The following KCNH6 variants were observed in gnomAD, a reference collection of about 807,000 sequenced individuals.
The protein encoded by KCNH6 is voltage-gated inwardly rectifying potassium channel KCNH6.
In KCNH6, 81 loss-of-function variants were observed where a neutral mutation model predicts 83.4. That is an observed-to-expected ratio of 0.97 (90% CI 0.81 to 1.17). The LOEUF is 1.17. Among genes scored for constraint, KCNH6 ranks in the 50% most tolerant of loss-of-function variants. The probability of loss-of-function intolerance (pLI) is 0.00; values close to 1 mark genes in which losing one functional copy is unlikely to be tolerated. For synonymous variants in KCNH6, 503 were observed against 545.6 expected, an observed-to-expected ratio of 0.92 and a Z score of 1.09; for missense variants, 1,203 against 1,290.5, an observed-to-expected ratio of 0.93 and a Z score of 1.04.
rs1358316665 is a variant in KCNH6, at chr17:63,545,061, G to A, written c.2397-17G>A. On this transcript the variant is annotated splice_polypyrimidine_tract_variant and intron_variant, in intron 11 of 12. Transcript: ENST00000314672. ...TTTTGCCAGCCCTGACCCTGACTGT[G>A]GGGTTCTGTCTGGCAGGCTGGAGTC... 1 of 1,610,334 alleles carries A rather than the reference G, an allele frequency of 6.2e-7. No individual in the cohort carries two copies. The highest frequency in any genetic ancestry group is 1.7e-5 in the Admixed American group (1 of 60,026).
chr17:63,524,109 G>A, intron 1 of KCNH6, 30 bp from the exon 2 acceptor site: 2 of 1,513,440 alleles, frequency 1.3e-6, no homozygotes, highest in Non-Finnish European at 1.8e-6. Flanking sequence ...TGGCTCCCAT[G>A]GACTTTTTGC....
At chr17:63,547,145 T>A (rs1038717536), downstream of KCNH6, among the ~76,000 whole-genome samples, 6 of 152,220 alleles carry the variant, frequency 3.9e-5, no homozygotes, top group Non-Finnish European at 7.3e-5. Flanking sequence ...GGTACTGTTC[T>A]GTTTCCTGAT....
rs1306556166 is a variant in KCNH6 at position 63,534,287 on chromosome 17, G to T, written c.1077G>T (p.Leu359=). The T allele has an allele frequency of 6.2e-7, 1 of 1,613,640 alleles. No individual in the cohort carries two copies. The highest frequency in any genetic ancestry group is 1.7e-5 in the Admixed American group (1 of 60,010). ...DMVAAIPFDL[L]IFRTGSDETT... ...TGGCCGCCATCCCTTTCGACCTCCT[G>T]ATCTTCCGCACTGGCTCCGATGAGG... The change falls in exon 5 of 13, where the codon CTG becomes CTT. Residue 359 remains leucine, a synonymous_variant. Transcript: ENST00000314672. This position sits in a 1 kb window ranked among gnomAD's most constrained non-coding sequence, Gnocchi z 5.0.
chr17:63,539,362 T>A (rs2032729982), intron 8 of KCNH6, among the ~76,000 whole-genome samples: 1 of 152,088 alleles, frequency 6.6e-6, no homozygotes, highest in Non-Finnish European at 1.5e-5. Context: ...CTGCTGGTGA[T>A]CTGCTCTCCT....
intron 2 of KCNH6, 86 bp from the exon 3 acceptor site, chr17:63,530,005 C>T: frequency 8.2e-6 from 12 of 1,457,556 alleles, no homozygotes; most frequent in Non-Finnish European, 1.1e-5. Context: ...TTCACTTGAC[C>T]TTCACTCAGC....
At position 63,523,560 on chromosome 17, in the gene KCNH6, C is replaced by T. The variant is rs2031485023; in HGVS notation, c.76+71C>T. On this transcript the variant is annotated intron_variant, in intron 1 of 12. Coordinates refer to ENST00000314672, the MANE Select transcript of KCNH6 (RefSeq NM_001278919.2). The surrounding 1 kb of genome is among the most constrained non-coding windows in gnomAD (Gnocchi z 4.2). The stretch of plus-strand genomic sequence containing the variant: ...TTCCGTGAAAGGGGGGGCTGGACCC[C>T]TTTACTAACTTCTAACCGGGCAAGG... 2.1e-6 allele frequency: 3 copies of T among 1,419,318 alleles called. No individual in the cohort carries two copies. Among genetic ancestry groups the T allele is most frequent in the Non-Finnish European group, 2.9e-6 (3 of 1,033,782 alleles). The allele number at this position is 1,419,318 out of a possible 1,614,324, so 87.9% of individuals were successfully genotyped here. A position where few individuals can be genotyped will look rare whatever the true frequency, so the allele number is the denominator to read the frequency against.
chr17:63,536,901 C>T (rs988087497), intron 6 of KCNH6, among the ~76,000 whole-genome samples: 1 of 133,264 alleles, frequency 7.5e-6, no homozygotes, highest in Non-Finnish European at 1.5e-5. Flanking sequence ...TTGCATGAGC[C>T]GAGATCACAC....
At chr17:63,546,975 G>A (rs770491032), downstream of KCNH6, among the ~76,000 whole-genome samples, 1 of 152,122 alleles carries the variant, frequency 6.6e-6, no homozygotes, top group Non-Finnish European at 1.5e-5. Context: ...GGTAGCACTC[G>A]CCCCGTACCA....
At position 63,533,770 on chromosome 17, in the gene KCNH6, C is replaced by T. The variant is rs879128478; in HGVS notation, c.676-116C>T. The T allele has an allele frequency of 2.4e-4, 221 of 917,960 alleles. 2 individuals are homozygous for T. The South Asian group carries it at 3.4e-3, about 14-fold the overall frequency. The allele number at this position is 917,960 out of a possible 1,614,324, so 56.9% of individuals were successfully genotyped here. ...TCTCTCCCTCATCCCCTCTGCCCACCAGAGCCGTGGTCACCCACCCTCTCC... is the reference window on the plus strand; with the variant it reads ...TCTCTCCCTCATCCCCTCTGCCCACTAGAGCCGTGGTCACCCACCCTCTCC... On this transcript the variant is annotated intron_variant, in intron 4 of 12. Transcript: ENST00000314672. The surrounding 1 kb of genome is among the most constrained non-coding windows in gnomAD (Gnocchi z 4.1).
At chr17:63,527,931 C>G (rs1341965845) in intron 2 of KCNH6, among the ~76,000 whole-genome samples, 1 of 152,192 alleles carries the variant, frequency 6.6e-6, no homozygotes, top group Non-Finnish European at 1.5e-5. Context: ...CCAGACCTCA[C>G]TGCTATAACG....
At chr17:63,537,587 A>C (rs981717182) in intron 6 of KCNH6, among the ~76,000 whole-genome samples, 1 of 152,000 alleles carries the variant, frequency 6.6e-6, no homozygotes, top group Admixed American at 6.6e-5. Flanking sequence ...GACGGGCATC[A>C]CCATGCCCGG....
intron 8 of KCNH6, among the ~76,000 whole-genome samples, chr17:63,540,606 C>G (rs1217825616): frequency 6.6e-6 from 1 of 152,108 alleles, no homozygotes; most frequent in Non-Finnish European, 1.5e-5. Context: ...TATAATGTTG[C>G]CCAGATTTCA....
At chr17:63,527,300 C>T (rs771968986) in intron 2 of KCNH6, among the ~76,000 whole-genome samples, 16 of 152,220 alleles carry the variant, frequency 1.1e-4, no homozygotes, top group Non-Finnish European at 2.1e-4. Context: ...CAGCATGCAG[C>T]GGCCACCCTC....
chr17:63,530,519 A>T lies in KCNH6; in HGVS notation c.652A>T (p.Asn218Tyr). Residue 218 changes from asparagine to tyrosine, a missense_variant, in exon 4 of 13, where the codon AAC (asparagine) becomes TAC (tyrosine). Asn to Tyr is a moderately radical substitution (Grantham distance 143). Coordinates refer to ENST00000314672, the MANE Select transcript of KCNH6 (RefSeq NM_001278919.2). The stretch of plus-strand genomic sequence containing the variant: ...CCATAAGGTGGTGGAGCGGACACAG[A>T]ACGTCACTGAGAAGGTCACCCAGGT... Reference protein sequence around the residue: ...APHKVVERTQNVTEKVTQVLS... With the variant: ...APHKVVERTQYVTEKVTQVLS... The T allele has an allele frequency of 6.2e-7, 1 of 1,614,100 alleles. No homozygotes were observed. The highest frequency in any genetic ancestry group is 8.5e-7 in the Non-Finnish European group (1 of 1,180,034).
Position 63,538,034 on chromosome 17 carries a change from C to T in KCNH6, c.1502-31C>T. The T allele has an allele frequency of 6.2e-7, 1 of 1,603,990 alleles. No homozygotes were observed. The highest frequency in any genetic ancestry group is 8.5e-7 in the Non-Finnish European group (1 of 1,176,324). ...TTGGTGGTGTGGCCCAGTGGGGCCG[C>T]GGAGGAGCTCACTCTCCGCCCCGCC... On this transcript the variant is annotated intron_variant, in intron 6 of 12. Coordinates refer to ENST00000314672, the MANE Select transcript of KCNH6 (RefSeq NM_001278919.2). The surrounding 1 kb of genome is among the most constrained non-coding windows in gnomAD (Gnocchi z 4.0).
chr17:63,536,234 G>C, intron 6 of KCNH6, 166 bp downstream of exon 6: 1 of 651,332 alleles, frequency 1.5e-6, no homozygotes, highest in Non-Finnish European at 2.6e-6. Context: ...TGTGCACCAA[G>C]TGTATACAAT....
rs1242830404 is a variant in KCNH6, at chr17:63,545,766, A to C, written c.2741A>C (p.His914Pro). The C allele has an allele frequency of 1.2e-6, 2 of 1,614,000 alleles. No homozygotes were observed. Among genetic ancestry groups the C allele is most frequent in the East Asian group, 2.2e-5 (1 of 44,874 alleles). ...TGGCCACCCCTAGCCTCACCTCTAC[A>C]TCCCCTGGAAGTACAAGGACTCATC... ...GLWPPLASPL[H>P]PLEVQGLICG... The change falls in exon 13 of 13, where the codon CAT becomes CCT. Residue 914 changes from histidine (H) to proline (P), a missense_variant. Coordinates refer to ENST00000314672, the MANE Select transcript of KCNH6 (RefSeq NM_001278919.2).
chr17:63,548,004 A>T (rs1005803071), downstream of KCNH6, among the ~76,000 whole-genome samples: 1 of 149,414 alleles, frequency 6.7e-6, no homozygotes, highest in African/African-American at 2.5e-5. Context: ...AGTGGCTCAC[A>T]CCTGTAATCC....
intron 2 of KCNH6, among the ~76,000 whole-genome samples, chr17:63,527,648 GCTC>G (rs2031807579): frequency 6.6e-6 from 1 of 152,316 alleles, no homozygotes; most frequent in East Asian, 1.9e-4. Context: ...AGAGACTGTG[GCTC>G]CTCCTCCAGG....
Sources: allele counts gnomAD v4.1 joint callset (sites outside exome capture counted in the v4.1 genomes callset), GRCh38; gene constraint gnomAD v4.1.1; non-coding constraint Gnocchi (gnomAD v3.1); transcripts MANE v1.5; gene names NCBI Gene and HGNC (gene_info 2026-07-23, HGNC 2026-07-21).